RYR2: variants seen among roughly 807,000 people sequenced by gnomAD.
RYR2 encodes ryanodine receptor 2.
A neutral mutation model predicts 601.1 loss-of-function variants in RYR2; 227 were observed. The observed-to-expected ratio is 0.38, with a 90% CI of 0.34 to 0.42. The LOEUF (loss-of-function observed/expected upper bound fraction) is 0.42. Ranked by LOEUF, RYR2 falls within the 10% of genes least tolerant of loss-of-function variation. The pLI, the probability that RYR2 is intolerant of heterozygous loss-of-function variation, is 1.00. For synonymous variants in RYR2, 2,223 were observed against 2,175.1 expected (o/e 1.02, Z -0.61); for missense variants, 4,646 against 6,156.5 (o/e 0.75, Z 8.21).
chr1:237,588,935 T>A (rs117513061), intron 29 of RYR2, among the ~76,000 whole-genome samples: 3,267 of 152,204 alleles, frequency 0.021, 61 homozygotes, highest in Middle Eastern at 0.068. Flanking sequence ...ACCATCTCAT[T>A]GTCTTGCCAA....
intron 1 of RYR2, among the ~76,000 whole-genome samples, chr1:237,197,294 TATG>T (rs1363301737): frequency 6.6e-6 from 1 of 152,224 alleles, no homozygotes; most frequent in Non-Finnish European, 1.5e-5. Flanking sequence ...AGGCATTAAC[TATG>T]ATATTTGCTA....
intron 43 of RYR2, 73 bp downstream of exon 43, chr1:237,633,783 G>C: frequency 7.1e-7 from 1 of 1,403,602 alleles, no homozygotes; most frequent in Non-Finnish European, 9.6e-7. Flanking sequence ...CAAACGTTTT[G>C]TTAAAAAATG....
At chr1:237,284,219 C>A (rs984311712) in intron 2 of RYR2, among the ~76,000 whole-genome samples, 1 of 151,888 alleles carries the variant, frequency 6.6e-6, no homozygotes, top group Admixed American at 6.6e-5. Context: ...CCCATCTCTA[C>A]TAAAAATACA....
chr1:237,504,065 A>C (rs995784392), intron 22 of RYR2, among the ~76,000 whole-genome samples: 1 of 152,238 alleles, frequency 6.6e-6, no homozygotes, highest in African/African-American at 2.4e-5. Context: ...CTAATGTACG[A>C]ACAGATTACA....
chr1:237,441,856 A>G (rs1432408556), intron 13 of RYR2, among the ~76,000 whole-genome samples: 1 of 151,136 alleles, frequency 6.6e-6, no homozygotes, highest in Non-Finnish European at 1.5e-5. Context: ...CCAACAAGCC[A>G]GAAATTAAAC....
At position 237,625,687 on chromosome 1, in the gene RYR2, C is replaced by T; in HGVS notation, c.6049C>T (p.Leu2017=). The T allele has an allele frequency of 6.2e-7, 1 of 1,613,578 alleles. No homozygotes were observed. Among genetic ancestry groups the T allele is most frequent in the Non-Finnish European group, 8.5e-7 (1 of 1,179,788 alleles). ...CGIELDEDGS[L]DGNSDLTIRG... ...AATTGAGCTGGATGAAGATGGGTCT[C>T]TGGATGGAAACAGTGATTTAACAAT... Residue 2017 remains leucine, a synonymous_variant, in exon 40 of 105, where the codon CTG becomes TTG. Coordinates refer to ENST00000366574, the MANE Select transcript of RYR2 (RefSeq NM_001035.3).
intron 1 of RYR2, among the ~76,000 whole-genome samples, chr1:237,069,894 T>C (rs1419688326): frequency 6.6e-6 from 1 of 152,216 alleles, no homozygotes; most frequent in Non-Finnish European, 1.5e-5. Context: ...TGAAATGAAA[T>C]GCACATAGAG....
At chr1:237,157,871 C>A (rs994184583) in intron 1 of RYR2, among the ~76,000 whole-genome samples, 1 of 152,024 alleles carries the variant, frequency 6.6e-6, no homozygotes, top group African/African-American at 2.4e-5. Flanking sequence ...TTCATAATAG[C>A]CAGAAGAGAA....
At chr1:237,308,124 T>C (rs1351907868) in intron 2 of RYR2, among the ~76,000 whole-genome samples, 1 of 152,216 alleles carries the variant, frequency 6.6e-6, no homozygotes, top group Non-Finnish European at 1.5e-5. Flanking sequence ...AAAAAATTAA[T>C]AATGTTTAAA....
intron 62 of RYR2, among the ~76,000 whole-genome samples, chr1:237,684,528 C>T (rs1046734293): frequency 6.6e-6 from 1 of 151,998 alleles, no homozygotes; most frequent in African/African-American, 2.4e-5. Flanking sequence ...AGAAAAAGGT[C>T]CAACTTGGTG....
rs370556829 is a variant in RYR2, at chr1:237,707,151, C to G, written c.9783C>G (p.Ala3261=). ...GACCTGAGAACAATCCAGAACGGGC[C>G]GAGATGTGCTGCACAGCCCTGAACT... ...EHGPENNPER[A]EMCCTALNSE... The change falls in exon 68 of 105, where the codon GCC becomes GCG. Residue 3261 remains alanine, a synonymous_variant. Coordinates refer to ENST00000366574, the MANE Select transcript of RYR2 (RefSeq NM_001035.3). The G allele has an allele frequency of 6.2e-7, 1 of 1,613,602 alleles. No individual in the cohort carries two copies. The highest frequency in any genetic ancestry group is 2.2e-5 in the East Asian group (1 of 44,864).
intron 10 of RYR2, among the ~76,000 whole-genome samples, chr1:237,407,585 TCTG>T (rs1332172023): frequency 6.6e-6 from 1 of 150,388 alleles, no homozygotes; most frequent in Admixed American, 6.7e-5. Flanking sequence ...TCTTAGATCT[TCTG>T]GTGATTTTTA....
At chr1:237,535,517 ACG>A (rs1491403516) in intron 25 of RYR2, among the ~76,000 whole-genome samples, 3 of 149,160 alleles carry the variant, frequency 2.0e-5, no homozygotes, top group East Asian at 4.0e-4. Flanking sequence ...ACACACACAC[ACG>A]TCCCAAACAA....
intron 98 of RYR2, among the ~76,000 whole-genome samples, chr1:237,804,149 T>A (rs1458546528): frequency 6.6e-6 from 1 of 151,980 alleles, no homozygotes; most frequent in Non-Finnish European, 1.5e-5. Flanking sequence ...ATCCTTCTCA[T>A]GGTACTGCAG....
intron 51 of RYR2, among the ~76,000 whole-genome samples, chr1:237,652,031 G>T (rs190997545): frequency 3.3e-4 from 50 of 151,272 alleles, no homozygotes; most frequent in African/African-American, 1.2e-3. Context: ...GCGAGACTCC[G>T]TCAAAAAAAG....
chr1:237,150,482 G>A (rs1006258634), intron 1 of RYR2, among the ~76,000 whole-genome samples: 2 of 152,114 alleles, frequency 1.3e-5, no homozygotes, highest in African/African-American at 4.8e-5. Flanking sequence ...CCTAATACCT[G>A]GCATGTGGAA....
intron 98 of RYR2, among the ~76,000 whole-genome samples, chr1:237,805,645 C>T (rs1005597200): frequency 3.9e-5 from 5 of 129,620 alleles, no homozygotes; most frequent in Non-Finnish European, 8.1e-5. Context: ...GTAATTATAA[C>T]AGAGTGAAAT....
At chr1:237,595,400 G>T in intron 33 of RYR2, 98 bp from the exon 34 acceptor site, 1 of 1,404,118 alleles carries the variant, frequency 7.1e-7, no homozygotes, top group Non-Finnish European at 9.7e-7. Flanking sequence ...GCATGAGCTT[G>T]TTGCTTGCGC....
intron 17 of RYR2, among the ~76,000 whole-genome samples, chr1:237,491,070 A>G (rs1373117240): frequency 6.6e-6 from 1 of 152,166 alleles, no homozygotes; most frequent in Non-Finnish European, 1.5e-5. Context: ...TTCATGCTAA[A>G]ATTTCTGATA....
Sources: allele counts gnomAD v4.1 joint callset (sites outside exome capture counted in the v4.1 genomes callset), GRCh38; gene constraint gnomAD v4.1.1; transcripts MANE v1.5; gene names NCBI Gene and HGNC (gene_info 2026-07-23, HGNC 2026-07-21).